The following EPB41L3 variants were observed in gnomAD, a reference collection of about 807,000 sequenced individuals.
EPB41L3 encodes erythrocyte membrane protein band 4.1 like 3.
In EPB41L3, 57 loss-of-function variants were observed where a neutral mutation model predicts 127.1. The observed-to-expected ratio is 0.45, with a 90% CI of 0.36 to 0.56. EPB41L3 has a LOEUF of 0.56. Ranked by LOEUF, EPB41L3 falls within the 20% of genes least tolerant of loss-of-function variation. The pLI, the probability that EPB41L3 is intolerant of heterozygous loss-of-function variation, is 0.00. For missense variants in EPB41L3, 1,273 were observed against 1,372.2 expected (o/e 0.93, Z 1.14); for synonymous variants, 572 against 549.5 (o/e 1.04, Z -0.57).
intron 1 of EPB41L3, among the ~76,000 whole-genome samples, chr18:5,495,889 A>G (rs989094882): frequency 2.0e-5 from 3 of 152,198 alleles, no homozygotes; most frequent in Non-Finnish European, 4.4e-5. Context: ...ATCTAAAGAA[A>G]TGTTGCGAAG....
At chr18:5,496,214 T>C (rs1160452702) in intron 1 of EPB41L3, among the ~76,000 whole-genome samples, 3 of 152,172 alleles carry the variant, frequency 2.0e-5, no homozygotes, top group Non-Finnish European at 4.4e-5. Flanking sequence ...TCAACAAATA[T>C]AGTTTAGAAT....
intron 1 of EPB41L3, among the ~76,000 whole-genome samples, chr18:5,503,777 G>A (rs994038082): frequency 6.6e-6 from 1 of 152,204 alleles, no homozygotes; most frequent in Non-Finnish European, 1.5e-5. Flanking sequence ...GTGTTTCATA[G>A]ATGGATATGC....
intron 1 of EPB41L3, among the ~76,000 whole-genome samples, chr18:5,625,855 C>T (rs1312981551): frequency 6.6e-6 from 1 of 152,044 alleles, no homozygotes; most frequent in East Asian, 1.9e-4. Flanking sequence ...TGTCCAAGTT[C>T]TTATTCACCC....
chr18:5,459,395 CT>C lies in EPB41L3; in HGVS notation c.382-14152del, dbSNP rs11459858. Among the ~76,000 whole-genome samples, 1,093 of 147,698 alleles carry C rather than the reference CT, an allele frequency of 7.4e-3. 17 individuals are homozygous for C. The highest frequency in any genetic ancestry group is 0.043 in the Admixed American group (644 of 14,874). ...TTGAGAGCCTAATGTCCATTGGTCT[CT>C]TTTTTTTTTTGAAGGCCTTATCAGA... On this transcript the variant is annotated intron_variant, in intron 3 of 22. Coordinates refer to ENST00000341928, the MANE Select transcript of EPB41L3 (RefSeq NM_012307.5).
intron 5 of EPB41L3, among the ~76,000 whole-genome samples, chr18:5,443,623 T>A (rs1313099344): frequency 6.6e-6 from 1 of 152,210 alleles, no homozygotes; most frequent in Non-Finnish European, 1.5e-5. Flanking sequence ...ATACTTGACA[T>A]CCATTCACAG....
upstream of EPB41L3, chr18:5,630,251 C>G (rs1427999201): frequency 4.9e-6 from 2 of 409,888 alleles, no homozygotes; most frequent in Non-Finnish European, 4.7e-6. Flanking sequence ...CAGCCTCGCC[C>G]CTTCCTCGCT....
chr18:5,607,049 T>A (rs1428986182), intron 3 of EPB41L3, among the ~76,000 whole-genome samples: 1 of 152,206 alleles, frequency 6.6e-6, no homozygotes, highest in African/African-American at 2.4e-5. Flanking sequence ...AAATAATTTT[T>A]AAACTGTAGT....
At chr18:5,525,992 T>C (rs2093207380) in intron 1 of EPB41L3, among the ~76,000 whole-genome samples, 1 of 152,146 alleles carries the variant, frequency 6.6e-6, no homozygotes, top group South Asian at 2.1e-4. Flanking sequence ...CCTCAGTCTC[T>C]TTGCAGTATC....
At position 5,615,348 on chromosome 18, in the gene EPB41L3, G is replaced by A. The variant is rs552380701; in HGVS notation, c.-467-925C>T. The stretch of plus-strand genomic sequence containing the variant: ...CTTGGGTGAGTGACTCACCCTCTGT[G>A]AACCTTGGTTTTATCTCTTTATTTT... On this transcript the variant is annotated intron_variant, in intron 1 of 21. Transcript: ENST00000545076. Among the ~76,000 whole-genome samples, 18 of 152,132 alleles carry A rather than the reference G, an allele frequency of 1.2e-4. 1 individual carries two copies. Among genetic ancestry groups the A allele is most frequent in the Admixed American group, 9.8e-4 (15 of 15,266 alleles).
chr18:5,595,201 C>T (rs1047570275), intron 3 of EPB41L3, among the ~76,000 whole-genome samples: 5 of 152,176 alleles, frequency 3.3e-5, no homozygotes, highest in African/African-American at 9.7e-5. Flanking sequence ...GAAAGAAATG[C>T]TTTGTTTCCA....
At chr18:5,501,277 AAATGAATGAATG>A (rs77332925) in intron 1 of EPB41L3, among the ~76,000 whole-genome samples, 5 of 150,878 alleles carry the variant, frequency 3.3e-5, no homozygotes, top group African/African-American at 1.2e-4. Flanking sequence ...TTAAGTATTT[AAATGAATGAATG>A]AATGAATGAA....
intron 8 of EPB41L3, among the ~76,000 whole-genome samples, chr18:5,429,791 G>A (rs1033511726): frequency 2.0e-5 from 3 of 152,146 alleles, no homozygotes. Flanking sequence ...ACTGGAAACT[G>A]CCCACCATTT....
intron 3 of EPB41L3, among the ~76,000 whole-genome samples, chr18:5,556,009 A>G (rs898946008): frequency 6.6e-6 from 1 of 152,170 alleles, no homozygotes; most frequent in Admixed American, 6.5e-5. Flanking sequence ...CGATTCCATG[A>G]ACCATTGTCT....
At chr18:5,436,033 A>G (rs1190510133) in intron 6 of EPB41L3, among the ~76,000 whole-genome samples, 2 of 152,230 alleles carry the variant, frequency 1.3e-5, no homozygotes, top group Non-Finnish European at 2.9e-5. Flanking sequence ...CATATCATAA[A>G]AATATGACCT....
chr18:5,556,630 C>T (rs116476934), intron 3 of EPB41L3, among the ~76,000 whole-genome samples: 18 of 152,242 alleles, frequency 1.2e-4, no homozygotes, highest in African/African-American at 4.1e-4. Flanking sequence ...ATTTGTACAG[C>T]GATCTGTGAT....
chr18:5,428,588 G>A, intron 8 of EPB41L3, 123 bp from the exon 9 acceptor site: 1 of 1,116,560 alleles, frequency 9.0e-7, no homozygotes, highest in South Asian at 1.5e-5. Flanking sequence ...GCAAAATGAT[G>A]CAGCCATTTT....
chr18:5,607,508 A>C (rs567051306), intron 3 of EPB41L3, among the ~76,000 whole-genome samples: 1 of 152,216 alleles, frequency 6.6e-6, no homozygotes, highest in South Asian at 2.1e-4. Flanking sequence ...CTAATAAAGC[A>C]GGAATTACCT....
intron 3 of EPB41L3, among the ~76,000 whole-genome samples, chr18:5,596,823 C>T (rs1719983): frequency 0.4 from 60,826 of 151,898 alleles, 12,833 homozygotes; most frequent in Non-Finnish European, 0.47. Context: ...ATTTTCATAG[C>T]GTTTTAATAA....
intron 1 of EPB41L3, among the ~76,000 whole-genome samples, chr18:5,535,068 T>A (rs1444999809): frequency 6.6e-6 from 1 of 152,112 alleles, no homozygotes; most frequent in East Asian, 1.9e-4. Context: ...GGCATTTGAT[T>A]CACATTCTTG....
Sources: allele counts gnomAD v4.1 joint callset (sites outside exome capture counted in the v4.1 genomes callset), GRCh38; gene constraint gnomAD v4.1.1; transcripts MANE v1.5; gene names NCBI Gene and HGNC (gene_info 2026-07-23, HGNC 2026-07-21).